The following SLC24A2 variants were observed in gnomAD, a reference collection of about 807,000 sequenced individuals.
The protein encoded by SLC24A2 is solute carrier family 24 member 2, also known as sodium/potassium/calcium exchanger 2.
Under a neutral mutation model 62.0 loss-of-function variants are expected in SLC24A2, and 36 were observed. The observed-to-expected ratio is 0.58, with a 90% CI of 0.44 to 0.77. SLC24A2 has a LOEUF of 0.77. Among genes scored for constraint, SLC24A2 ranks in the 30% least tolerant of loss-of-function variants. SLC24A2 has a pLI of 0.00. For synonymous variants in SLC24A2, 358 were observed against 294.0 expected (o/e 1.22, Z -2.23); for missense variants, 846 against 817.9 (o/e 1.03, Z -0.42).
chr9:19,688,964 A>T (rs893460619), intron 2 of SLC24A2, among the ~76,000 whole-genome samples: 4 of 152,174 alleles, frequency 2.6e-5, no homozygotes, highest in Non-Finnish European at 5.9e-5. Context: ...TTTAGATTCT[A>T]TGAAACAGAT....
chr9:20,197,888 G>A, the SLC24A2 span, among the ~76,000 whole-genome samples: 2 of 152,164 alleles, frequency 1.3e-5, no homozygotes, highest in African/African-American at 4.8e-5. Context: ...TGAATGTAAA[G>A]GTGAAAAATG....
chr9:19,650,822 A>AGTGTGTGTGTGTGTGTGTGTGTGT (rs61576823), intron 2 of SLC24A2, among the ~76,000 whole-genome samples: 99 of 149,184 alleles, frequency 6.6e-4, no homozygotes, highest in African/African-American at 2.4e-3. Flanking sequence ...ATCAGCTTCT[A>AGTGTGTGTGTGTGTGTGTGTGTGT]GTGTGTGTGT....
At chr9:19,824,115 A>G in the SLC24A2 span, among the ~76,000 whole-genome samples, 2 of 152,248 alleles carry the variant, frequency 1.3e-5, no homozygotes, top group African/African-American at 4.8e-5. Context: ...GGCACGGACA[A>G]GGACTTCATG....
the SLC24A2 span, among the ~76,000 whole-genome samples, chr9:20,057,849 T>A: frequency 6.6e-6 from 1 of 152,172 alleles, no homozygotes; most frequent in Non-Finnish European, 1.5e-5. Flanking sequence ...TAGAGAATAT[T>A]TGACTTTTAC....
chr9:19,526,744 G>A (rs951573702), intron 9 of SLC24A2, among the ~76,000 whole-genome samples: 2 of 152,144 alleles, frequency 1.3e-5, no homozygotes, highest in Non-Finnish European at 2.9e-5. Context: ...TTGGATACAA[G>A]TGCTTTATCA....
At chr9:19,992,460 G>A in the SLC24A2 span, among the ~76,000 whole-genome samples, 1 of 152,094 alleles carries the variant, frequency 6.6e-6, no homozygotes, top group African/African-American at 2.4e-5. Flanking sequence ...TCTACCTCTG[G>A]GTGAAACCAA....
chr9:20,159,298 C>A, the SLC24A2 span, among the ~76,000 whole-genome samples: 1 of 151,638 alleles, frequency 6.6e-6, no homozygotes, highest in Admixed American at 6.6e-5. Context: ...GACCTGCCTA[C>A]ACACACATCC....
chr9:19,603,677 C>T (rs1379720399), intron 4 of SLC24A2, among the ~76,000 whole-genome samples: 3 of 152,114 alleles, frequency 2.0e-5, no homozygotes, highest in South Asian at 2.1e-4. Context: ...GTCTTATTTG[C>T]ACTCTTCTTC....
intron 2 of SLC24A2, among the ~76,000 whole-genome samples, chr9:19,697,153 G>A (rs902746186): frequency 3.9e-5 from 6 of 152,094 alleles, no homozygotes; most frequent in African/African-American, 7.2e-5. Flanking sequence ...AATATATTAA[G>A]AACCTACACA....
the SLC24A2 span, among the ~76,000 whole-genome samples, chr9:20,067,305 G>T: frequency 1.3e-5 from 2 of 152,196 alleles, no homozygotes; most frequent in Admixed American, 6.5e-5. Context: ...AAACACTAGT[G>T]ACAGGATGGG....
the SLC24A2 span, among the ~76,000 whole-genome samples, chr9:20,270,924 T>G: frequency 6.6e-6 from 1 of 152,206 alleles, no homozygotes; most frequent in Non-Finnish European, 1.5e-5. Flanking sequence ...AGGGAAGAAC[T>G]TGCCTTTGTT....
At chr9:19,962,837 G>A in the SLC24A2 span, among the ~76,000 whole-genome samples, 1 of 152,152 alleles carries the variant, frequency 6.6e-6, no homozygotes, top group Non-Finnish European at 1.5e-5. Context: ...TTTCCTAATT[G>A]AATACCCTTT....
intron 4 of SLC24A2, 45 bp downstream of exon 4, chr9:19,619,539 C>A: frequency 6.9e-7 from 1 of 1,441,758 alleles, no homozygotes; most frequent in East Asian, 2.3e-5. Context: ...CTTTTGGCAT[C>A]CTTTTCCCCC....
the SLC24A2 span, among the ~76,000 whole-genome samples, chr9:20,055,784 G>T: frequency 6.6e-6 from 1 of 152,144 alleles, no homozygotes; most frequent in African/African-American, 2.4e-5. Context: ...GCTACTTAGG[G>T]AGGCTGAGGC....
At chr9:20,197,521 T>G in the SLC24A2 span, among the ~76,000 whole-genome samples, 3 of 137,788 alleles carry the variant, frequency 2.2e-5, no homozygotes, top group Admixed American at 8.1e-5. Context: ...AGCCTTGACC[T>G]CCCAGGCTAA....
At chr9:19,865,755 A>T in the SLC24A2 span, among the ~76,000 whole-genome samples, 1 of 152,220 alleles carries the variant, frequency 6.6e-6, no homozygotes, top group Non-Finnish European at 1.5e-5. Context: ...GTACAGGGAA[A>T]CATTGGGGAA....
chr9:20,106,898 G>T, the SLC24A2 span, among the ~76,000 whole-genome samples: 2 of 152,128 alleles, frequency 1.3e-5, no homozygotes, highest in Non-Finnish European at 1.5e-5. Flanking sequence ...AGGAAAAGAG[G>T]AAGTCAAATT....
chr9:19,931,372 A>G, the SLC24A2 span, among the ~76,000 whole-genome samples: 1 of 152,258 alleles, frequency 6.6e-6, no homozygotes, highest in African/African-American at 2.4e-5. Context: ...CACAATAACC[A>G]TATACAAAAT....
At chr9:19,836,730 A>G in the SLC24A2 span, among the ~76,000 whole-genome samples, 1 of 152,228 alleles carries the variant, frequency 6.6e-6, no homozygotes, top group African/African-American at 2.4e-5. Flanking sequence ...TCATTTTATG[A>G]GGCCAGCATC....
Sources: allele counts gnomAD v4.1 joint callset (sites outside exome capture counted in the v4.1 genomes callset), GRCh38; gene constraint gnomAD v4.1.1; transcripts MANE v1.5; gene names NCBI Gene and HGNC (gene_info 2026-07-23, HGNC 2026-07-21).